KCNJ3: variants seen among roughly 807,000 people sequenced by gnomAD.
The protein encoded by KCNJ3 is potassium inwardly rectifying channel subfamily J member 3, also known as G protein-activated inward rectifier potassium channel 1.
A neutral mutation model predicts 39.2 loss-of-function variants in KCNJ3; 4 were observed. The observed-to-expected ratio is 0.10, with a 90% confidence interval of 0.05 to 0.23. The LOEUF is 0.23. Among genes scored for constraint, KCNJ3 ranks in the 10% least tolerant of loss-of-function variants. The probability of loss-of-function intolerance (pLI) is 1.00; values close to 1 mark genes in which losing one functional copy is unlikely to be tolerated. For missense variants in KCNJ3, 276 were observed against 634.9 expected (o/e 0.43, Z 6.08); for synonymous variants, 230 against 237.4 (o/e 0.97, Z 0.29).
chr2:154,842,844 G>A (rs1484648264), intron 2 of KCNJ3, among the ~76,000 whole-genome samples: 1 of 152,044 alleles, frequency 6.6e-6, no homozygotes, highest in East Asian at 1.9e-4. Flanking sequence ...CTTTGCACGT[G>A]AGATGGGTCT....
chr2:154,770,898 T>C (rs1043763431), intron 2 of KCNJ3, among the ~76,000 whole-genome samples: 3 of 148,784 alleles, frequency 2.0e-5, no homozygotes, highest in South Asian at 2.1e-4. Context: ...TTTTCTTTTT[T>C]TTTTTTTTTT....
At chr2:154,726,636 TTA>T (rs1685361818) in intron 2 of KCNJ3, among the ~76,000 whole-genome samples, 1 of 151,910 alleles carries the variant, frequency 6.6e-6, no homozygotes, top group African/African-American at 2.4e-5. Flanking sequence ...AACGAAGTCA[TTA>T]TAAGAAAAAG....
chr2:154,730,350 A>G (rs901205857), intron 2 of KCNJ3, among the ~76,000 whole-genome samples: 1 of 152,122 alleles, frequency 6.6e-6, no homozygotes, highest in Non-Finnish European at 1.5e-5. Context: ...GAAGGAATGG[A>G]TAATCTGAGA....
chr2:154,764,833 C>G (rs1686104809), intron 2 of KCNJ3, among the ~76,000 whole-genome samples: 1 of 152,184 alleles, frequency 6.6e-6, no homozygotes, highest in Non-Finnish European at 1.5e-5. Context: ...GCTTGTTATC[C>G]TCCATCAACA....
At position 154,857,572 on chromosome 2, in the gene KCNJ3, A is replaced by G. The variant is rs1687859632; in HGVS notation, c.*2259A>G. 6.6e-6 allele frequency: 1 copy of G among 152,112 alleles called. No homozygotes were observed. The highest frequency in any genetic ancestry group is 2.1e-4 in the South Asian group (1 of 4,820). 9.4% of individuals were successfully genotyped at this position (152,112 alleles called of 1,614,324 possible). On this transcript the variant is annotated 3_prime_UTR_variant, in exon 3 of 3. Transcript: ENST00000295101. ...ACAAATAAGACCACTTCAGACAATC[A>G]AAGTATCAGTTAAGAGAATGAAAAC...
intron 2 of KCNJ3, among the ~76,000 whole-genome samples, chr2:154,764,078 G>A (rs1325256857): frequency 6.6e-6 from 1 of 152,166 alleles, no homozygotes; most frequent in Non-Finnish European, 1.5e-5. Context: ...CAGTCTCTCT[G>A]TTCTCAAGTG....
intron 2 of KCNJ3, among the ~76,000 whole-genome samples, chr2:154,800,146 C>T (rs532711768): frequency 6.6e-6 from 1 of 152,294 alleles, no homozygotes; most frequent in South Asian, 2.1e-4. Flanking sequence ...GGTCCATTTG[C>T]ATGATGTTTG....
chr2:154,759,553 TA>T (rs1482331493), intron 2 of KCNJ3, among the ~76,000 whole-genome samples: 1 of 151,984 alleles, frequency 6.6e-6, no homozygotes, highest in African/African-American at 2.4e-5. Flanking sequence ...TTTTTTCTTT[TA>T]AAAAATATCT....
At chr2:154,778,579 G>C (rs142078597) in intron 2 of KCNJ3, among the ~76,000 whole-genome samples, 1 of 152,024 alleles carries the variant, frequency 6.6e-6, no homozygotes. Context: ...GAGATTTGTC[G>C]TAGAATTAGA....
At chr2:154,797,324 A>G (rs1444915166) in intron 2 of KCNJ3, among the ~76,000 whole-genome samples, 1 of 152,210 alleles carries the variant, frequency 6.6e-6, no homozygotes, top group Non-Finnish European at 1.5e-5. Flanking sequence ...TTTTTTGGAA[A>G]AAGCCTTTTA....
chr2:154,727,471 A>C (rs1685378574), intron 2 of KCNJ3, among the ~76,000 whole-genome samples: 1 of 151,686 alleles, frequency 6.6e-6, no homozygotes, highest in Admixed American at 6.6e-5. Flanking sequence ...GCATGCCTGT[A>C]ATCCCAGCTA....
chr2:154,832,787 A>T (rs1427423621), intron 2 of KCNJ3, among the ~76,000 whole-genome samples: 2 of 152,218 alleles, frequency 1.3e-5, no homozygotes, highest in Non-Finnish European at 2.9e-5. Context: ...CTTTAACATT[A>T]GACTGAGGCT....
chr2:154,854,190 G>A (rs1048698731), intron 2 of KCNJ3, among the ~76,000 whole-genome samples: 1 of 152,104 alleles, frequency 6.6e-6, no homozygotes, highest in East Asian at 1.9e-4. Context: ...GATATTATAT[G>A]ACAAATTTTA....
chr2:154,713,630 A>C (rs1167365832), intron 2 of KCNJ3, among the ~76,000 whole-genome samples: 1 of 152,176 alleles, frequency 6.6e-6, no homozygotes, highest in Non-Finnish European at 1.5e-5. Flanking sequence ...CTTGCTTCAA[A>C]TGAGTTGGAT....
chr2:154,816,899 G>T (rs1245348952), intron 2 of KCNJ3, among the ~76,000 whole-genome samples: 1 of 152,128 alleles, frequency 6.6e-6, no homozygotes, highest in Non-Finnish European at 1.5e-5. Context: ...TTTCTCATTG[G>T]CCTTTACATT....
intron 2 of KCNJ3, among the ~76,000 whole-genome samples, chr2:154,763,085 C>A (rs1190834741): frequency 6.6e-6 from 1 of 152,178 alleles, no homozygotes; most frequent in Non-Finnish European, 1.5e-5. Flanking sequence ...AATGACAATA[C>A]CCATTCCATT....
chr2:154,838,010 C>T (rs532764965), intron 2 of KCNJ3, among the ~76,000 whole-genome samples: 1 of 152,224 alleles, frequency 6.6e-6, no homozygotes, highest in South Asian at 2.1e-4. Context: ...AATATTATTA[C>T]TGATTGATTG....
intron 2 of KCNJ3, among the ~76,000 whole-genome samples, chr2:154,762,691 TA>T (rs147558333): frequency 0.33 from 49,725 of 151,870 alleles, 9,454 homozygotes; most frequent in Non-Finnish European, 0.43. Flanking sequence ...ATATACAAAA[TA>T]ATATGGTAAG....
intron 2 of KCNJ3, among the ~76,000 whole-genome samples, chr2:154,852,510 T>C (rs1193783107): frequency 6.6e-6 from 1 of 152,180 alleles, no homozygotes; most frequent in Non-Finnish European, 1.5e-5. Flanking sequence ...GAAAGACACT[T>C]AGAATGACAG....
Sources: gnomAD v4.1 joint callset for allele counts (sites outside exome capture counted in the v4.1 genomes callset) on GRCh38, gnomAD v4.1.1 for gene constraint, MANE v1.5 for transcripts, NCBI Gene and HGNC (gene_info 2026-07-23, HGNC 2026-07-21) for gene names.